Variants in SLC8A1 observed in about 807,000 individuals in gnomAD.
SLC8A1 encodes sodium/calcium exchanger 1.
In SLC8A1, 18 loss-of-function variants were observed where a neutral mutation model predicts 68.3. The ratio of observed to expected loss-of-function variants is 0.26; its 90% CI spans 0.18 to 0.39. The LOEUF (loss-of-function observed/expected upper bound fraction) is 0.39, where lower values mean the gene tolerates loss of function less well. Ranked by LOEUF, SLC8A1 falls within the 10% of genes least tolerant of loss-of-function variation. The pLI is 1.00. For synonymous variants in SLC8A1, 475 were observed against 415.5 expected (o/e 1.14, Z -1.74); for missense variants, 985 against 1,156.7 (o/e 0.85, Z 2.15).
chr2:40,388,163 T>C (rs901954730), intron 2 of SLC8A1, among the ~76,000 whole-genome samples: 1 of 152,084 alleles, frequency 6.6e-6, no homozygotes, highest in African/African-American at 2.4e-5. Context: ...CCCTTAGAAA[T>C]CATCAAAACC....
chr2:40,375,652 G>C (rs904505402), intron 2 of SLC8A1, among the ~76,000 whole-genome samples: 11 of 152,052 alleles, frequency 7.2e-5, no homozygotes, highest in Admixed American at 1.3e-4. Context: ...TTTCAGATGA[G>C]TTAAGACCCA....
At chr2:40,261,247 C>G (rs1023227915) in intron 2 of SLC8A1, among the ~76,000 whole-genome samples, 1 of 152,150 alleles carries the variant, frequency 6.6e-6, no homozygotes, top group African/African-American at 2.4e-5. Context: ...CCATAAGAAA[C>G]TGGGGAAGCC....
chr2:40,233,223 A>C (rs1310235330), intron 2 of SLC8A1, among the ~76,000 whole-genome samples: 2 of 152,124 alleles, frequency 1.3e-5, no homozygotes, highest in Non-Finnish European at 1.5e-5. Flanking sequence ...CAACAGTGTA[A>C]AAGTGTTCCT....
chr2:40,402,592 T>C (rs928202066), intron 2 of SLC8A1, among the ~76,000 whole-genome samples: 6 of 152,204 alleles, frequency 3.9e-5, no homozygotes, highest in African/African-American at 7.2e-5. Context: ...CTTTTATTGA[T>C]TGAAACATAG....
exon 8 of SLC8A1, chr2:40,113,089 G>C (rs1429258141): frequency 1.3e-5 from 2 of 152,262 alleles, no homozygotes; most frequent in African/African-American, 2.4e-5. Flanking sequence ...CAGGGATCTA[G>C]ACTGTTTTGT....
chr2:40,476,662 T>G (rs1704313104), intron 1 of SLC8A1, among the ~76,000 whole-genome samples: 1 of 152,164 alleles, frequency 6.6e-6, no homozygotes, highest in African/African-American at 2.4e-5. Context: ...ACTTGACCTA[T>G]TTGCTTTAGA....
chr2:40,290,779 A>G (rs987597821), intron 2 of SLC8A1, among the ~76,000 whole-genome samples: 4 of 152,148 alleles, frequency 2.6e-5, no homozygotes, highest in Non-Finnish European at 4.4e-5. Context: ...TTTATTTCTT[A>G]GATGTTTGGA....
In SLC8A1 at chr2:40,370,459, C is replaced by T. The variant is rs532003721; in HGVS notation, c.1808+58014G>A. Among the ~76,000 whole-genome samples, 8 of 152,180 alleles carry T rather than the reference C, an allele frequency of 5.3e-5. No homozygotes were observed. The South Asian group carries it at 8.3e-4, about 16-fold the overall frequency. ...CAGACTTGTGTGTTGGCCTCACTTT[C>T]CTAGTGTTGTTTTAAAGTGACTTTG... On this transcript the variant is annotated intron_variant, in intron 2 of 7. Coordinates refer to ENST00000406785, the Ensembl canonical transcript of SLC8A1.
intron 1 of SLC8A1, among the ~76,000 whole-genome samples, chr2:40,430,757 C>T (rs564583543): frequency 1.3e-4 from 20 of 152,238 alleles, no homozygotes; most frequent in African/African-American, 4.3e-4. Flanking sequence ...CTTCCAAAAA[C>T]GGTTTCAATG....
intron 1 of SLC8A1, among the ~76,000 whole-genome samples, chr2:40,470,076 C>T (rs1703918244): frequency 6.6e-6 from 1 of 151,224 alleles, no homozygotes; most frequent in Non-Finnish European, 1.5e-5. Context: ...AGTACTTTCA[C>T]TGAATTCTAC....
intron 1 of SLC8A1, among the ~76,000 whole-genome samples, chr2:40,439,038 G>C (rs1416808171): frequency 6.6e-6 from 1 of 152,084 alleles, no homozygotes; most frequent in Non-Finnish European, 1.5e-5. Context: ...CCCTCTCACA[G>C]ACTGGGTCTC....
chr2:40,322,210 T>C (rs1299380791), intron 2 of SLC8A1, among the ~76,000 whole-genome samples: 1 of 152,200 alleles, frequency 6.6e-6, no homozygotes, highest in Non-Finnish European at 1.5e-5. Context: ...TTTCCAGGTA[T>C]CCCTGGGTTC....
At chr2:40,119,489 C>T (rs965991513) in intron 7 of SLC8A1, among the ~76,000 whole-genome samples, 1 of 152,194 alleles carries the variant, frequency 6.6e-6, no homozygotes, top group Non-Finnish European at 1.5e-5. Flanking sequence ...CAATACATCA[C>T]ATACCATATG....
intron 2 of SLC8A1, among the ~76,000 whole-genome samples, chr2:40,236,799 G>A (rs1356549274): frequency 6.6e-6 from 1 of 151,096 alleles, no homozygotes; most frequent in African/African-American, 2.4e-5. Context: ...AGGCCTGGTG[G>A]TGACAAAATC....
chr2:40,259,766 A>G (rs562202674), intron 2 of SLC8A1, among the ~76,000 whole-genome samples: 6 of 152,322 alleles, frequency 3.9e-5, no homozygotes, highest in Non-Finnish European at 8.8e-5. Context: ...ATTTTTTAAA[A>G]CAATAGTCTT....
chr2:40,138,528 G>T (rs1431685515), intron 7 of SLC8A1, among the ~76,000 whole-genome samples: 1 of 152,172 alleles, frequency 6.6e-6, no homozygotes, highest in African/African-American at 2.4e-5. Context: ...ATGCTAATTA[G>T]TGCTGGAGAC....
intron 4 of SLC8A1, 118 bp downstream of exon 7, chr2:40,170,163 C>T: frequency 1.1e-6 from 1 of 872,218 alleles, no homozygotes; most frequent in Non-Finnish European, 1.8e-6. Context: ...AGAGAAGCTG[C>T]AGCATTATTT....
At chr2:40,337,750 G>A (rs1666439667) in intron 2 of SLC8A1, among the ~76,000 whole-genome samples, 1 of 152,054 alleles carries the variant, frequency 6.6e-6, no homozygotes, top group Non-Finnish European at 1.5e-5. Context: ...TATTCATGGA[G>A]AAATATACTA....
Position 40,243,932 on chromosome 2 carries a change from C to T in SLC8A1, c.1809-66077G>A, listed in dbSNP as rs80319858. Among the ~76,000 whole-genome samples, 357 of 152,128 alleles carry T rather than the reference C, an allele frequency of 2.3e-3. 4 individuals carry two copies. The highest frequency in any genetic ancestry group is 8.2e-3 in the African/African-American group (340 of 41,504). ...AGGGGAATACTTGAAACTGGAGCAA[C>T]GTAAGAGGAAAAGTGGGCAGAATGG... On this transcript the variant is annotated intron_variant, in intron 2 of 7. Transcript: ENST00000406785.
Sources: allele counts gnomAD v4.1 joint callset (sites outside exome capture counted in the v4.1 genomes callset), GRCh38; gene constraint gnomAD v4.1.1; transcripts MANE v1.5; gene names NCBI Gene and HGNC (gene_info 2026-07-23, HGNC 2026-07-21).